Variants in CDH4 observed in about 807,000 individuals in gnomAD.
The protein encoded by CDH4 is cadherin-4.
A neutral mutation model predicts 86.0 loss-of-function variants in CDH4; 33 were observed. That is an observed-to-expected ratio of 0.38 (90% CI 0.29 to 0.51). The LOEUF (loss-of-function observed/expected upper bound fraction) is 0.51. Ranked by LOEUF, CDH4 falls within the 20% of genes least tolerant of loss-of-function variation. The pLI, the probability that CDH4 is intolerant of heterozygous loss-of-function variation, is 0.86. For missense variants in CDH4, 1,114 were observed against 1,307.4 expected (o/e 0.85, Z 2.28); for synonymous variants, 555 against 549.4 (o/e 1.01, Z -0.14).
intron 2 of CDH4, among the ~76,000 whole-genome samples, chr20:61,616,912 G>T (rs546278161): frequency 1.3e-5 from 2 of 152,256 alleles, no homozygotes; most frequent in South Asian, 4.2e-4. Flanking sequence ...TCCTGGGGCA[G>T]TGGGTCCATG....
chr20:61,332,948 C>T (rs2084591714), intron 2 of CDH4, among the ~76,000 whole-genome samples: 1 of 152,252 alleles, frequency 6.6e-6, no homozygotes, highest in Non-Finnish European at 1.5e-5. Context: ...GCCCCGAGAG[C>T]CTCTTACAGC....
intron 2 of CDH4, among the ~76,000 whole-genome samples, chr20:61,610,519 C>T (rs750177602): frequency 3.3e-5 from 5 of 152,162 alleles, no homozygotes; most frequent in Admixed American, 6.5e-5. Flanking sequence ...GAGTGCCCAG[C>T]AGTGGGGTTG....
rs1356176422 is a variant in CDH4, at chr20:61,922,103, A to AC, written c.1375-1346dup. ...AGATGTACTGCAGGCTGTGCAGCCCACCATTGCTGATGGATGTTTGGGTCA... is the reference window on the plus strand; with the variant it reads ...AGATGTACTGCAGGCTGTGCAGCCCACCCATTGCTGATGGATGTTTGGGTCA... On this transcript the variant is annotated intron_variant, in intron 9 of 15. Transcript: ENST00000614565. Among the ~76,000 whole-genome samples the AC allele has an allele frequency of 3.9e-5, 6 of 152,198 alleles. No homozygotes were observed. The East Asian group carries it at 1.2e-3, about 29-fold the overall frequency.
intron 3 of CDH4, among the ~76,000 whole-genome samples, chr20:61,763,901 T>C (rs1382073368): frequency 6.6e-6 from 1 of 152,254 alleles, no homozygotes; most frequent in Non-Finnish European, 1.5e-5. Flanking sequence ...GATTATATTC[T>C]TTCCTTAACA....
At chr20:61,622,248 G>C (rs1159822420) in intron 2 of CDH4, among the ~76,000 whole-genome samples, 2 of 152,378 alleles carry the variant, frequency 1.3e-5, no homozygotes, top group Non-Finnish European at 2.9e-5. Context: ...TGTGTTTATG[G>C]AGTAATGTGC....
At chr20:61,448,732 C>T (rs1041308051) in intron 2 of CDH4, among the ~76,000 whole-genome samples, 7 of 152,084 alleles carry the variant, frequency 4.6e-5, no homozygotes, top group East Asian at 3.9e-4. Flanking sequence ...AACTTTTCCT[C>T]GCGTGCACGT....
chr20:61,884,132 G>C (rs1984427098), intron 7 of CDH4, among the ~76,000 whole-genome samples: 1 of 152,198 alleles, frequency 6.6e-6, no homozygotes, highest in Non-Finnish European at 1.5e-5. Flanking sequence ...CCTGGCTGTA[G>C]AGTGAGAGGG....
chr20:61,549,717 G>T (rs2086113732), intron 2 of CDH4, among the ~76,000 whole-genome samples: 1 of 152,226 alleles, frequency 6.6e-6, no homozygotes, highest in Admixed American at 6.5e-5. Context: ...GGCAGTGTCA[G>T]AGATGCCGAG....
chr20:61,682,905 C>A (rs1437359847), intron 2 of CDH4, among the ~76,000 whole-genome samples: 2 of 151,966 alleles, frequency 1.3e-5, no homozygotes, highest in East Asian at 3.9e-4. Context: ...ATCAGCTGCT[C>A]ACCCATCTAG....
In CDH4 at chr20:61,516,819, G is replaced by C. The variant is rs755828365; in HGVS notation, c.170-226744G>C. Reference sequence around the variant, plus strand: ...ACACTTGCTTTCTTCTTGGGAACCTGGGCTCGCTGTCCACACAGCCCCTGC... The same window carrying C: ...ACACTTGCTTTCTTCTTGGGAACCTCGGCTCGCTGTCCACACAGCCCCTGC... On this transcript the variant is annotated intron_variant, in intron 2 of 15. Coordinates refer to ENST00000614565, the MANE Select transcript of CDH4 (RefSeq NM_001794.5). The surrounding 1 kb of genome is among the most constrained non-coding windows in gnomAD (Gnocchi z 4.0). Among the ~76,000 whole-genome samples the C allele has an allele frequency of 6.6e-6, 1 of 152,254 alleles. No individual in the cohort carries two copies. The highest frequency in any genetic ancestry group is 1.9e-4 in the East Asian group (1 of 5,178).
intron 2 of CDH4, among the ~76,000 whole-genome samples, chr20:61,444,775 ATGTG>A (rs1367243649): frequency 1.0e-5 from 1 of 100,060 alleles, no homozygotes; most frequent in South Asian, 3.2e-4. Context: ...GTGTTTCTGC[ATGTG>A]TGTGTTTTTG....
intron 6 of CDH4, among the ~76,000 whole-genome samples, chr20:61,873,179 C>G (rs375302047): frequency 3.3e-5 from 5 of 152,204 alleles, no homozygotes; most frequent in African/African-American, 1.2e-4. Context: ...CTCCATCTGA[C>G]GGAGTCCTAT....
intron 2 of CDH4, among the ~76,000 whole-genome samples, chr20:61,604,267 C>G (rs548293412): frequency 1.3e-5 from 2 of 152,216 alleles, no homozygotes. Flanking sequence ...CAGTCGAGGC[C>G]GAGATGCAAA....
At chr20:61,814,661 T>C (rs1980622643) in intron 4 of CDH4, among the ~76,000 whole-genome samples, 1 of 152,228 alleles carries the variant, frequency 6.6e-6, no homozygotes, top group African/African-American at 2.4e-5. Context: ...TACTGGAGTG[T>C]TTGTAATTGC....
intron 2 of CDH4, among the ~76,000 whole-genome samples, chr20:61,265,641 G>C (rs967505894): frequency 6.6e-6 from 1 of 151,896 alleles, no homozygotes; most frequent in Non-Finnish European, 1.5e-5. Flanking sequence ...GCCTTACATG[G>C]ACCTCAATGG....
At chr20:61,464,037 G>A (rs1379113975) in intron 2 of CDH4, among the ~76,000 whole-genome samples, 1 of 152,206 alleles carries the variant, frequency 6.6e-6, no homozygotes, top group Non-Finnish European at 1.5e-5. Context: ...AGCAGTTCAG[G>A]TGCATAATAA....
chr20:61,607,808 C>T (rs877697), intron 2 of CDH4, among the ~76,000 whole-genome samples: 1 of 152,002 alleles, frequency 6.6e-6, no homozygotes, highest in Non-Finnish European at 1.5e-5. Context: ...GAATAGGAAG[C>T]GGCTGTCCTT....
chr20:61,334,651 G>A (rs1349579515), intron 2 of CDH4, among the ~76,000 whole-genome samples: 2 of 152,160 alleles, frequency 1.3e-5, no homozygotes, highest in Non-Finnish European at 2.9e-5. Context: ...CCTCCCAAAG[G>A]TCCCGCCTCT....
chr20:61,557,323 A>C (rs12480696), intron 2 of CDH4, among the ~76,000 whole-genome samples: 1,860 of 152,348 alleles, frequency 0.012, 60 homozygotes, highest in East Asian at 0.085. Flanking sequence ...GCCCTCCTGC[A>C]GGAATATTCG....
Sources: gnomAD v4.1 joint callset for allele counts (sites outside exome capture counted in the v4.1 genomes callset) on GRCh38, gnomAD v4.1.1 for gene constraint, Gnocchi (gnomAD v3.1) non-coding constraint, MANE v1.5 for transcripts, NCBI Gene and HGNC (gene_info 2026-07-23, HGNC 2026-07-21) for gene names.